The following RHOT1 variants were observed in gnomAD, a reference collection of about 807,000 sequenced individuals.
The protein encoded by RHOT1 is ras homolog family member T1.
A neutral mutation model predicts 95.3 loss-of-function variants in RHOT1; 27 were observed. That is an observed-to-expected ratio of 0.28 (90% CI 0.21 to 0.39). The LOEUF (loss-of-function observed/expected upper bound fraction) is 0.39, where lower values mean the gene tolerates loss of function less well. Among genes scored for constraint, RHOT1 ranks in the 10% least tolerant of loss-of-function variants. The pLI, the probability that RHOT1 is intolerant of heterozygous loss-of-function variation, is 1.00. For missense variants in RHOT1, 578 were observed against 786.7 expected, an observed-to-expected ratio of 0.73 and a Z score of 3.17; for synonymous variants, 227 against 263.5, an observed-to-expected ratio of 0.86 and a Z score of 1.34.
At chr17:32,143,163 T>C in intron 1 of RHOT1, 1 of 499,402 alleles carries the variant, frequency 2.0e-6, no homozygotes. Flanking sequence ...GGTGCTGGAA[T>C]AAGCAGACTG....
chr17:32,179,673 C>G (rs1013634833), intron 6 of RHOT1: 7 of 140,722 alleles, frequency 5.0e-5, no homozygotes, highest in African/African-American at 1.9e-4. Context: ...GCCCGGCCGC[C>G]CATCATCTGG....
chr17:32,216,774 T>G (rs2038502845), intron 19 of RHOT1, among the ~76,000 whole-genome samples: 1 of 152,154 alleles, frequency 6.6e-6, no homozygotes, highest in African/African-American at 2.4e-5. Context: ...AGGATTGCCT[T>G]ATGAAAAGGA....
chr17:32,159,734 A>G (rs1184876789), intron 1 of RHOT1: 1 of 152,688 alleles, frequency 6.5e-6, no homozygotes, highest in Non-Finnish European at 1.5e-5. Context: ...ACTGGCGAGC[A>G]TGGGAGGGAG....
At position 32,224,920 on chromosome 17, in the gene RHOT1, AC is replaced by A. The variant is rs2039049206; in HGVS notation, c.*188del. ...GTATTGGCTAGCATATGGAAAGAAAACAGCTAACAGCCAAACTAAAATGGCT... is the reference window on the plus strand; with the variant it reads ...GTATTGGCTAGCATATGGAAAGAAAAAGCTAACAGCCAAACTAAAATGGCT... On this transcript the variant is annotated 3_prime_UTR_variant, in exon 20 of 20. Transcript: ENST00000545287. 1 of 401,790 alleles carries A rather than the reference AC, an allele frequency of 2.5e-6. No individual in the cohort carries two copies. The highest frequency in any genetic ancestry group is 4.5e-6 in the Non-Finnish European group (1 of 219,996). 24.9% of individuals were successfully genotyped at this position (401,790 alleles called of 1,614,324 possible).
chr17:32,192,179 T>G lies in RHOT1; in HGVS notation c.541-22T>G, dbSNP rs1443533629. The G allele has an allele frequency of 3.5e-6, 4 of 1,131,066 alleles. No homozygotes were observed. In the African/African-American group the frequency reaches 6.3e-5, roughly 18 times the overall value. 70.1% of individuals were successfully genotyped at this position (1,131,066 alleles called of 1,614,324 possible). On this transcript the variant is annotated intron_variant, in intron 8 of 19. Coordinates refer to ENST00000545287, the MANE Select transcript of RHOT1 (RefSeq NM_001033566.3). ...TGAAAATCACAGTTTAAACAATTAT[T>G]TCTTTTCTCAATGATTTATAGATGA...
At chr17:32,147,432 C>T (rs780380109) in intron 1 of RHOT1, among the ~76,000 whole-genome samples, 6 of 152,018 alleles carry the variant, frequency 3.9e-5, no homozygotes, top group Middle Eastern at 3.4e-3. Flanking sequence ...TTGAGATTGG[C>T]CTGGGCAACA....
chr17:32,165,328 C>A (rs2033964333), intron 1 of RHOT1, among the ~76,000 whole-genome samples: 1 of 124,264 alleles, frequency 8.0e-6, no homozygotes, highest in East Asian at 2.3e-4. Context: ...CAGAGCAAGA[C>A]TCCGTCTCAA....
chr17:32,192,332 C>CTTTTTTTTT (rs397857197), intron 9 of RHOT1, 33 bp downstream of exon 9: 5 of 543,512 alleles, frequency 9.2e-6, no homozygotes, highest in African/African-American at 5.1e-5. Flanking sequence ...ATTTGCGTAT[C>CTTTTTTTTT]TTTTTTTTTT....
At chr17:32,151,893 AAAAAAAAAGG>A (rs1275157717) in intron 1 of RHOT1, among the ~76,000 whole-genome samples, 5 of 152,062 alleles carry the variant, frequency 3.3e-5, no homozygotes, top group Non-Finnish European at 5.9e-5. Flanking sequence ...AAAAAAAAAA[AAAAAAAAAGG>A]AAATCACTCT....
At chr17:32,192,663 A>G (rs1042805501) in intron 9 of RHOT1, among the ~76,000 whole-genome samples, 1 of 138,672 alleles carries the variant, frequency 7.2e-6, no homozygotes, top group Non-Finnish European at 1.6e-5. Flanking sequence ...GACATGTTTT[A>G]CTTTTTTTTT....
intron 19 of RHOT1, among the ~76,000 whole-genome samples, chr17:32,216,612 A>G (rs1244007923): frequency 6.6e-6 from 1 of 152,088 alleles, no homozygotes; most frequent in Non-Finnish European, 1.5e-5. Flanking sequence ...TGTGACTTTT[A>G]AGCCACTCAT....
intron 8 of RHOT1, among the ~76,000 whole-genome samples, chr17:32,187,577 TTA>T (rs2036154546): frequency 1.3e-5 from 2 of 152,164 alleles, no homozygotes; most frequent in Admixed American, 1.3e-4. Flanking sequence ...AGGAAACATT[TTA>T]TATTTTTATT....
At chr17:32,162,292 A>G (rs2033637407) in intron 1 of RHOT1, among the ~76,000 whole-genome samples, 1 of 152,168 alleles carries the variant, frequency 6.6e-6, no homozygotes, top group Non-Finnish European at 1.5e-5. Context: ...ATAATAAAAG[A>G]CACTCCTATC....
Position 32,199,476 on chromosome 17 carries a change from G to A in RHOT1, c.1026G>A (p.Gly342=), listed in dbSNP as rs767673787. 3.1e-6 allele frequency: 5 copies of A among 1,612,938 alleles called. No individual in the cohort carries two copies. The highest frequency in any genetic ancestry group is 2.2e-5 in the East Asian group (1 of 44,842). The change falls in exon 13 of 20, where the codon GGG becomes GGA. Residue 342 remains glycine (G), a synonymous_variant. Coordinates refer to ENST00000545287, the MANE Select transcript of RHOT1 (RefSeq NM_001033566.3). Reference sequence around the variant, plus strand: ...AAGTTTTCCCTTACATACCTTGGGGGCCAGATGTGAATAACACAGTTTGTA... The same window carrying A: ...AAGTTTTCCCTTACATACCTTGGGGACCAGATGTGAATAACACAGTTTGTA... ...LFKVFPYIPW[G]PDVNNTVCTN...
intron 8 of RHOT1, among the ~76,000 whole-genome samples, chr17:32,190,236 A>C (rs939240024): frequency 6.6e-6 from 1 of 152,112 alleles, no homozygotes. Context: ...CAGGCAGATC[A>C]TGAGGTTAGG....
At chr17:32,224,478 TG>T (rs2039024057) in intron 19 of RHOT1, 137 bp from the exon 20 acceptor site, 1 of 495,832 alleles carries the variant, frequency 2.0e-6, no homozygotes, top group African/African-American at 1.9e-5. Context: ...TATTGATCAA[TG>T]TTTTTGATAA....
At chr17:32,224,114 A>G (rs1296128905) in intron 19 of RHOT1, among the ~76,000 whole-genome samples, 2 of 152,094 alleles carry the variant, frequency 1.3e-5, no homozygotes, top group African/African-American at 4.8e-5. Context: ...GTAAATTTTT[A>G]TGAGGCTCAG....
chr17:32,201,134 GA>G, intron 14 of RHOT1, 78 bp downstream of exon 14: 2 of 787,582 alleles, frequency 2.5e-6, no homozygotes, highest in Non-Finnish European at 4.1e-6. Context: ...CAAAGAGTAA[GA>G]ATACACTCAT....
Position 32,192,272 on chromosome 17 carries a change from CAAT to C in RHOT1, c.613_615del (p.Asn205del). On this transcript the variant is annotated inframe_deletion, in exon 9 of 20. Transcript: ENST00000545287. ...CTGATCAAGATAATGATGGTACTCTCAATGATGCTGAACTCAACTTCTTTCAGG... is the reference window on the plus strand; with the variant it reads ...CTGATCAAGATAATGATGGTACTCTCGATGCTGAACTCAACTTCTTTCAGG... 4 of 1,573,184 alleles carry C rather than the reference CAAT, an allele frequency of 2.5e-6. No homozygotes were observed. The highest frequency in any genetic ancestry group is 3.5e-6 in the Non-Finnish European group (4 of 1,156,282).
Sources: gnomAD v4.1 joint callset for allele counts (sites outside exome capture counted in the v4.1 genomes callset) on GRCh38, gnomAD v4.1.1 for gene constraint, MANE v1.5 for transcripts, NCBI Gene and HGNC (gene_info 2026-07-23, HGNC 2026-07-21) for gene names.